BDP1: variants seen among roughly 807,000 people sequenced by gnomAD.
BDP1 encodes BDP1 general transcription factor IIIB subunit.
In BDP1, 169 loss-of-function variants were observed where a neutral mutation model predicts 266.6. The ratio of observed to expected loss-of-function variants is 0.63; its 90% confidence interval spans 0.56 to 0.72. The LOEUF is 0.72. Ranked by LOEUF, BDP1 falls within the 30% of genes least tolerant of loss-of-function variation. The probability of loss-of-function intolerance (pLI) is 0.00; values close to 1 mark genes in which losing one functional copy is unlikely to be tolerated. For synonymous variants in BDP1, 1,090 were observed against 1,022.4 expected (o/e 1.07, Z -1.26); for missense variants, 3,015 against 3,053.8 (o/e 0.99, Z 0.30).
chr5:71,490,874 T>G, intron 10 of BDP1, 110 bp from the exon 11 acceptor site: 1 of 1,106,162 alleles, frequency 9.0e-7, no homozygotes, highest in Non-Finnish European at 1.2e-6. Context: ...GGGACTTGAA[T>G]GTTGCTTAAG....
chr5:71,543,256 T>C lies in BDP1; in HGVS notation c.6412+991T>C, dbSNP rs188640145. Among the ~76,000 whole-genome samples the C allele has an allele frequency of 1.9e-3, 288 of 152,170 alleles. 1 individual carries two copies. The Middle Eastern group carries it at 0.038, about 20-fold the overall frequency. ...GTGATCATGCCACTGTACTCCGGCC[T>C]GGGCAGCAGAGTGAGACTTCATCTC... On this transcript the variant is annotated intron_variant, in intron 30 of 38. Coordinates refer to ENST00000358731, the MANE Select transcript of BDP1 (RefSeq NM_018429.3).
chr5:71,550,417 G>A (rs557890669), intron 34 of BDP1, among the ~76,000 whole-genome samples: 2 of 151,812 alleles, frequency 1.3e-5, no homozygotes, highest in Admixed American at 1.3e-4. Flanking sequence ...CTTTCAAGTA[G>A]CTTCTCAGCT....
intron 26 of BDP1, chr5:71,537,512 GT>G (rs1766702199): frequency 5.8e-6 from 1 of 172,116 alleles, no homozygotes; most frequent in Non-Finnish European, 1.2e-5. Context: ...AGGGAGACAG[GT>G]ACTATTGGTA....
chr5:71,562,226 A>AT, intron 37 of BDP1, 48 bp from the exon 38 acceptor site: 1 of 981,800 alleles, frequency 1.0e-6, no homozygotes, highest in Non-Finnish European at 1.5e-6. Flanking sequence ...AAAAAAAAGA[A>AT]TGTGTCTTCC....
rs1185527934 is a variant in BDP1 at position 71,486,620 on chromosome 5, T to C, written c.1206T>C (p.Asn402=). 24 of 1,522,000 alleles carry C rather than the reference T, an allele frequency of 1.6e-5. No homozygotes were observed. Among genetic ancestry groups the C allele is most frequent in the Non-Finnish European group, 2.1e-5 (24 of 1,148,298 alleles). The allele number at this position is 1,522,000 out of a possible 1,614,324, so 94.3% of individuals were successfully genotyped here. Residue 402 remains asparagine (N), a synonymous_variant, in exon 9 of 39, where the codon AAT becomes AAC. Transcript: ENST00000358731. ...KEKKSTKPRK[N]VKVKKVACEG... Reference sequence around the variant, plus strand: ...AGAAATCCACCAAACCACGGAAAAATGTAAAAGGTATTGATTTTAAAAGGA... The same window carrying C: ...AGAAATCCACCAAACCACGGAAAAACGTAAAAGGTATTGATTTTAAAAGGA...
Position 71,553,289 on chromosome 5 carries a change from T to C in BDP1, c.7169T>C (p.Leu2390Ser). The change falls in exon 35 of 39, where the codon TTA becomes TCA. Residue 2390 changes from leucine (L) to serine (S), a missense_variant. Physicochemically the swap from Leu to Ser is moderately radical, Grantham distance 145 (BLOSUM62 -2). Coordinates refer to ENST00000358731, the MANE Select transcript of BDP1 (RefSeq NM_018429.3). ...IPPAKKRSLTLRDDCQEYTTE... is the reference protein window; with the variant it reads ...IPPAKKRSLTSRDDCQEYTTE... ...CCTGCCAAAAAACGTTCACTCACTTTAAGAGATGACTGTCAAGAATATACC... is the reference window on the plus strand; with the variant it reads ...CCTGCCAAAAAACGTTCACTCACTTCAAGAGATGACTGTCAAGAATATACC... The C allele has an allele frequency of 1.9e-6, 3 of 1,612,974 alleles. No homozygotes were observed. Among genetic ancestry groups the C allele is most frequent in the East Asian group, 2.2e-5 (1 of 44,814 alleles).
chr5:71,495,082 G>C (rs1580067228), intron 11 of BDP1, 168 bp from the exon 12 acceptor site: 1 of 399,942 alleles, frequency 2.5e-6, no homozygotes, highest in South Asian at 1.1e-4. Context: ...TTTATAACAT[G>C]ATGCAAGATG....
At chr5:71,480,395 A>G (rs1374881234) in intron 7 of BDP1, among the ~76,000 whole-genome samples, 2 of 149,376 alleles carry the variant, frequency 1.3e-5, no homozygotes, top group African/African-American at 4.9e-5. Flanking sequence ...TGGCCTCCCA[A>G]AGTGCTGGGA....
chr5:71,553,417 CTT>C (rs1742996343), intron 35 of BDP1, 97 bp downstream of exon 35: 3 of 756,056 alleles, frequency 4.0e-6, no homozygotes, highest in Non-Finnish European at 6.3e-6. Context: ...TCTCTTTAAA[CTT>C]TTAGATATAT....
At chr5:71,486,826 C>T (rs1255345168) in intron 9 of BDP1, among the ~76,000 whole-genome samples, 199 bp downstream of exon 9, 1 of 152,034 alleles carries the variant, frequency 6.6e-6, no homozygotes, top group Non-Finnish European at 1.5e-5. Context: ...TTTTAACTGG[C>T]GTGATTGGGT....
intron 4 of BDP1, among the ~76,000 whole-genome samples, chr5:71,464,886 T>G (rs1028503654): frequency 2.0e-5 from 3 of 151,328 alleles, no homozygotes; most frequent in Non-Finnish European, 2.9e-5. Context: ...GCCCAGCTAA[T>G]TTTTGTATTT....
At position 71,545,070 on chromosome 5, in the gene BDP1, G is replaced by A; in HGVS notation, c.6595G>A (p.Val2199Ile). Residue 2199 changes from valine (V) to isoleucine (I), a missense_variant, in exon 32 of 39, where the codon GTT (valine) becomes ATT (isoleucine). Val to Ile is a conservative substitution (Grantham distance 29). This residue lies in a region of BDP1 where 629 missense variants were observed against 632.5 expected (regional missense o/e 0.99). Coordinates refer to ENST00000358731, the MANE Select transcript of BDP1 (RefSeq NM_018429.3). ...NENQEESSQEVHMLSVAPVAS... is the reference protein window; with the variant it reads ...NENQEESSQEIHMLSVAPVAS... ...AAATCAAGAAGAGAGCTCTCAGGAG[G>A]TTCACATGTTGTCAGTTGCTCCAGT... is the stretch of plus-strand genomic sequence containing the variant. 1 of 1,613,488 alleles carries A rather than the reference G, an allele frequency of 6.2e-7. No individual in the cohort carries two copies. Among genetic ancestry groups the A allele is most frequent in the Non-Finnish European group, 8.5e-7 (1 of 1,179,788 alleles).
Position 71,541,437 on chromosome 5 carries a change from T to C in BDP1, c.6023-17T>C. The C allele has an allele frequency of 9.5e-7, 1 of 1,047,720 alleles. No individual in the cohort carries two copies. The highest frequency in any genetic ancestry group is 1.3e-6 in the Non-Finnish European group (1 of 757,262). 64.9% of individuals were successfully genotyped at this position (1,047,720 alleles called of 1,614,324 possible). A position where few individuals can be genotyped will look rare whatever the true frequency, so the allele number is the denominator to read the frequency against. The stretch of plus-strand genomic sequence containing the variant: ...AATTTGGTCCATTTTAATTTTGTTT[T>C]TTTTTTTTTTCTTCAGTAGGAGTAT... On this transcript the variant is annotated splice_polypyrimidine_tract_variant and intron_variant, in intron 28 of 38. Coordinates refer to ENST00000358731, the MANE Select transcript of BDP1 (RefSeq NM_018429.3).
Position 71,510,256 on chromosome 5 carries a change from A to G in BDP1, c.3164A>G (p.Lys1055Arg). Residue 1055 changes from lysine (K) to arginine (R), a missense_variant, in exon 17 of 39, where the codon AAG becomes AGG. Lys to Arg is a conservative substitution (Grantham distance 26, BLOSUM62 2). This residue lies in a region of BDP1 where 2,383 missense variants were observed against 2,404.9 expected (regional missense o/e 0.99). Transcript: ENST00000358731. ...CAGGAAAATGGACTAGAGGAGGTCA[A>G]GCCTCTAGGTGAAATGGAGACGGAT... ...SPQENGLEEVKPLGEMETDLK... is the reference protein window; with the variant it reads ...SPQENGLEEVRPLGEMETDLK... 1 of 1,614,074 alleles carries G rather than the reference A, an allele frequency of 6.2e-7. No homozygotes were observed. The highest frequency in any genetic ancestry group is 8.5e-7 in the Non-Finnish European group (1 of 1,179,988).
chr5:71,474,089 C>T lies in BDP1; in HGVS notation c.1014+3600C>T, dbSNP rs879626176. ...CCGCCTCCCGGGTTCATGCCATTCT[C>T]CTGCCTCAGCCTCCCGAGTAGCTGG... On this transcript the variant is annotated intron_variant, in intron 7 of 38. Coordinates refer to ENST00000358731, the MANE Select transcript of BDP1 (RefSeq NM_018429.3). 8.0e-4 allele frequency among the ~76,000 whole-genome samples: 121 copies of T among 152,002 alleles called. 3 individuals carry two copies. The highest frequency in any genetic ancestry group is 3.4e-3 in the Middle Eastern group (1 of 294).
intron 22 of BDP1, among the ~76,000 whole-genome samples, chr5:71,520,309 A>G (rs1765432733): frequency 6.6e-6 from 1 of 151,880 alleles, no homozygotes; most frequent in Non-Finnish European, 1.5e-5. Context: ...GTCTTTCCAT[A>G]TTGCTTTTAT....
chr5:71,541,541 A>G lies in BDP1; in HGVS notation c.6110A>G (p.His2037Arg). Reference protein sequence around the residue: ...SLDNVNHKIVHECQELSSPVI... With the variant: ...SLDNVNHKIVRECQELSSPVI... ...GATAATGTAAATCACAAAATTGTTC[A>G]TGAATGTCAGGAACTTTCTTCACCT... The change falls in exon 29 of 39, where the codon CAT becomes CGT. Residue 2037 changes from histidine (H) to arginine (R), a missense_variant. This residue lies in a region of BDP1 where 2,383 missense variants were observed against 2,404.9 expected (regional missense o/e 0.99). Coordinates refer to ENST00000358731, the MANE Select transcript of BDP1 (RefSeq NM_018429.3). 6.2e-7 allele frequency: 1 copy of G among 1,611,568 alleles called. No homozygotes were observed.
At chr5:71,535,483 G>C (rs1486310869) in intron 26 of BDP1, among the ~76,000 whole-genome samples, 2 of 152,168 alleles carry the variant, frequency 1.3e-5, no homozygotes, top group Non-Finnish European at 2.9e-5. Context: ...GGGATTACAG[G>C]TGTGAGCCAC....
intron 3 of BDP1, among the ~76,000 whole-genome samples, chr5:71,463,669 AAG>A (rs1474521426): frequency 1.3e-5 from 2 of 151,940 alleles, no homozygotes; most frequent in Non-Finnish European, 2.9e-5. Flanking sequence ...AAAAAATTAA[AAG>A]ACAAAAATTA....
Sources: gnomAD v4.1 joint callset for allele counts (sites outside exome capture counted in the v4.1 genomes callset) on GRCh38, gnomAD v4.1.1 for gene constraint, gnomAD v4.1.1 regional missense constraint, MANE v1.5 for transcripts, NCBI Gene and HGNC (gene_info 2026-07-23, HGNC 2026-07-21) for gene names.